SMCO2: variants seen among roughly 807,000 people sequenced by gnomAD.
The protein encoded by SMCO2 is single-pass membrane and coiled-coil domain-containing protein 2.
In SMCO2, 25 loss-of-function variants were observed where a neutral mutation model predicts 29.5. The ratio of observed to expected loss-of-function variants is 0.85; its 90% CI spans 0.62 to 1.18. The LOEUF is 1.18. SMCO2 is among the 50% of genes most tolerant of loss of function. The probability of loss-of-function intolerance (pLI) is 0.00; values close to 1 mark genes in which losing one functional copy is unlikely to be tolerated. For synonymous variants in SMCO2, 117 were observed against 123.3 expected, an observed-to-expected ratio of 0.95 and a Z score of 0.34; for missense variants, 348 against 344.5, an observed-to-expected ratio of 1.01 and a Z score of -0.08.
At chr12:27,495,552 G>C (rs1376404997) in intron 6 of SMCO2, 128 bp from the exon 8 acceptor site, 1 of 771,362 alleles carries the variant, frequency 1.3e-6, no homozygotes, top group Non-Finnish European at 1.9e-6. Flanking sequence ...TCTGTTCATG[G>C]GACCTATGTG....
the SMCO2 span, among the ~76,000 whole-genome samples, chr12:27,445,675 G>A: frequency 1.3e-5 from 2 of 152,066 alleles, no homozygotes; most frequent in African/African-American, 2.4e-5. Context: ...AACTCCACAG[G>A]GACCCATGTG....
intron 4 of SMCO2, among the ~76,000 whole-genome samples, chr12:27,478,614 G>A (rs1414171282): frequency 6.6e-6 from 1 of 152,140 alleles, no homozygotes; most frequent in Non-Finnish European, 1.5e-5. Flanking sequence ...ACCAGTGATG[G>A]CGGCAGCTGT....
In SMCO2 at chr12:27,468,841, C is replaced by T. The variant is rs566646477; in HGVS notation, c.-10-1781C>T. Among the ~76,000 whole-genome samples, 3 of 152,282 alleles carry T rather than the reference C, an allele frequency of 2.0e-5. No homozygotes were observed. The South Asian group carries it at 6.2e-4, about 32-fold the overall frequency. ...ATACACACATAAAATGGGGATAATA[C>T]CCTCTGTATCATGTTGTTGTGAGAA... On this transcript the variant is annotated intron_variant, in intron 1 of 7. Transcript: ENST00000298876.
At chr12:27,499,566 T>G (rs767419545) in intron 7 of SMCO2, among the ~76,000 whole-genome samples, 3 of 150,630 alleles carry the variant, frequency 2.0e-5, no homozygotes, top group Non-Finnish European at 2.9e-5. Flanking sequence ...GTACAATGTA[T>G]AGAGTGAATT....
intron 5 of SMCO2, 32 bp from the exon 7 acceptor site, chr12:27,494,268 C>A (rs549669035): frequency 1.5e-6 from 2 of 1,351,486 alleles, no homozygotes; most frequent in South Asian, 1.7e-5. Context: ...ATATAAGTTT[C>A]ATTTTACCCA....
chr12:27,498,658 T>A (rs185106035), intron 7 of SMCO2: 1,966 of 154,918 alleles, frequency 0.013, 63 homozygotes, highest in Non-Finnish European at 0.019. Flanking sequence ...TGCTTTTTTT[T>A]TAAATAACCA....
chr12:27,488,622 T>C, intron 5 of SMCO2, 75 bp downstream of exon 6: 1 of 1,072,360 alleles, frequency 9.3e-7, no homozygotes, highest in Non-Finnish European at 1.3e-6. Flanking sequence ...TTTCTATTGT[T>C]AATAGGCAAT....
intron 4 of SMCO2, chr12:27,475,591 G>A (rs1949578758): frequency 6.5e-7 from 1 of 1,537,166 alleles, no homozygotes. Context: ...GGTGTCTGAA[G>A]GGCATGTTCC....
At chr12:27,472,640 C>T in intron 2 of SMCO2, 136 bp from the exon 3 acceptor site, 1 of 550,834 alleles carries the variant, frequency 1.8e-6, no homozygotes, top group South Asian at 2.8e-5. Context: ...CCAGAAAGAA[C>T]TCAGTACAAG....
intron 7 of SMCO2, chr12:27,498,436 G>T: frequency 4.6e-6 from 1 of 217,164 alleles, no homozygotes; most frequent in South Asian, 8.5e-5. Context: ...TACTTTCACA[G>T]AGTTCTATGA....
the SMCO2 span, among the ~76,000 whole-genome samples, chr12:27,429,791 T>C: frequency 7.2e-5 from 11 of 152,308 alleles, no homozygotes; most frequent in East Asian, 1.9e-3. Context: ...TGGAGTGCAA[T>C]TGCCAAATCA....
At chr12:27,443,346 G>A in the SMCO2 span, among the ~76,000 whole-genome samples, 5 of 151,992 alleles carry the variant, frequency 3.3e-5, no homozygotes, top group African/African-American at 9.7e-5. Context: ...CTCAAAAATG[G>A]GTATAGAAGG....
the SMCO2 span, among the ~76,000 whole-genome samples, chr12:27,425,493 A>G: frequency 6.6e-6 from 1 of 152,002 alleles, no homozygotes; most frequent in African/African-American, 2.4e-5. Context: ...TCAGACTCCA[A>G]CGTCATCAGC....
intron 4 of SMCO2, among the ~76,000 whole-genome samples, chr12:27,480,324 T>C (rs422962): frequency 0.12 from 18,290 of 152,132 alleles, 2,121 homozygotes; most frequent in African/African-American, 0.28. Context: ...CAATCTCCTC[T>C]GGCAACACCC....
chr12:27,476,472 C>A (rs1949587276), intron 4 of SMCO2, among the ~76,000 whole-genome samples: 1 of 152,062 alleles, frequency 6.6e-6, no homozygotes. Context: ...AAGTCCCCAA[C>A]TGTTATTGTA....
chr12:27,472,906 C>T (rs1949553209), intron 3 of SMCO2, 31 bp downstream of exon 3: 1 of 1,448,054 alleles, frequency 6.9e-7, no homozygotes, highest in South Asian at 1.2e-5. Context: ...AAGAGAGACA[C>T]TTAAATGACA....
chr12:27,495,527 T>G (rs1942988786), intron 6 of SMCO2, among the ~76,000 whole-genome samples, 153 bp from the exon 8 acceptor site: 1 of 150,744 alleles, frequency 6.6e-6, no homozygotes, highest in Admixed American at 6.6e-5. Flanking sequence ...CTATTCAAGA[T>G]GCACCTGCCA....
chr12:27,470,498 C>CA (rs1051178885), intron 1 of SMCO2, 124 bp from the exon 2 acceptor site: 77 of 847,144 alleles, frequency 9.1e-5, no homozygotes, highest in Admixed American at 6.7e-4. Flanking sequence ...GATGAACAGC[C>CA]AGTTGAAAGG....
At chr12:27,428,483 GGTT>G in the SMCO2 span, among the ~76,000 whole-genome samples, 2 of 151,504 alleles carry the variant, frequency 1.3e-5, no homozygotes, top group African/African-American at 4.8e-5. Context: ...TGGCTGTTTT[GGTT>G]GTTTTTTGTT....
Sources: allele counts gnomAD v4.1 joint callset (sites outside exome capture counted in the v4.1 genomes callset), GRCh38; gene constraint gnomAD v4.1.1; transcripts MANE v1.5; gene names NCBI Gene and HGNC (gene_info 2026-07-23, HGNC 2026-07-21).